Variants in GNA14 observed in about 807,000 individuals in gnomAD.
The protein encoded by GNA14 is guanine nucleotide-binding protein subunit alpha-14.
Under a neutral mutation model 42.0 loss-of-function variants are expected in GNA14, and 50 were observed. The ratio of observed to expected loss-of-function variants is 1.19; its 90% CI spans 0.95 to 1.51. The LOEUF (loss-of-function observed/expected upper bound fraction) is 1.51. Ranked by LOEUF, GNA14 falls within the 40% of genes most tolerant of loss-of-function variation. The pLI is 0.00. For synonymous variants in GNA14, 173 were observed against 163.1 expected (o/e 1.06, Z -0.46); for missense variants, 473 against 446.2 (o/e 1.06, Z -0.54).
chr9:77,440,908 G>A (rs1305513437), intron 2 of GNA14, among the ~76,000 whole-genome samples: 1 of 152,040 alleles, frequency 6.6e-6, no homozygotes, highest in East Asian at 1.9e-4. Context: ...TAGAGATGGG[G>A]TTTCACTATG....
chr9:77,452,824 CTT>C (rs1198208330), intron 2 of GNA14, among the ~76,000 whole-genome samples: 1 of 151,650 alleles, frequency 6.6e-6, no homozygotes, highest in Non-Finnish European at 1.5e-5. Flanking sequence ...TCATGAATGA[CTT>C]TGTGCCCTTT....
chr9:77,440,828 G>C (rs1251974989), intron 2 of GNA14, among the ~76,000 whole-genome samples: 2 of 151,996 alleles, frequency 1.3e-5, no homozygotes, highest in Admixed American at 1.3e-4. Flanking sequence ...CAATTCTCCT[G>C]CCTCGTCCCC....
At chr9:77,548,993 G>A (rs1208358270) in intron 1 of GNA14, among the ~76,000 whole-genome samples, 1 of 151,350 alleles carries the variant, frequency 6.6e-6, no homozygotes, top group East Asian at 1.9e-4. Flanking sequence ...AGGCTGGAGT[G>A]CAATGGCACA....
chr9:77,586,577 G>C (rs1439072364), intron 1 of GNA14, among the ~76,000 whole-genome samples: 1 of 152,206 alleles, frequency 6.6e-6, no homozygotes, highest in Non-Finnish European at 1.5e-5. Context: ...CTTAATAGGC[G>C]AAAGAAAGAG....
rs900457785 is a variant in GNA14 at position 77,490,579 on chromosome 9, T to C, written c.309+38490A>G. Among the ~76,000 whole-genome samples, 115 of 152,340 alleles carry C rather than the reference T, an allele frequency of 7.5e-4. 2 individuals are homozygous for C. Among genetic ancestry groups the C allele is most frequent in the Middle Eastern group, 3.4e-3 (1 of 294 alleles). On this transcript the variant is annotated intron_variant, in intron 2 of 6. Coordinates refer to ENST00000341700, the MANE Select transcript of GNA14 (RefSeq NM_004297.4). Reference sequence around the variant, plus strand: ...GAAATTGAACACAGCGCGGGTGGGCTGGCACTGCTGGGGGACCCAGTACAC... The same window carrying C: ...GAAATTGAACACAGCGCGGGTGGGCCGGCACTGCTGGGGGACCCAGTACAC...
At chr9:77,527,068 C>T (rs1168753807) in intron 2 of GNA14, among the ~76,000 whole-genome samples, 1 of 152,194 alleles carries the variant, frequency 6.6e-6, no homozygotes, top group Admixed American at 6.5e-5. Context: ...GGTCTGTTTA[C>T]AAACCCATCC....
chr9:77,540,796 C>T (rs56315361), intron 1 of GNA14, among the ~76,000 whole-genome samples: 55,270 of 151,834 alleles, frequency 0.36, 14,123 homozygotes, highest in African/African-American at 0.73. Context: ...TTGGTTTCTG[C>T]TTGCATGTAA....
Position 77,506,404 on chromosome 9 carries a change from C to T in GNA14, c.309+22665G>A, listed in dbSNP as rs573143583. 2.6e-5 allele frequency among the ~76,000 whole-genome samples: 4 copies of T among 151,984 alleles called. No homozygotes were observed. The South Asian group carries it at 6.2e-4, about 24-fold the overall frequency. On this transcript the variant is annotated intron_variant, in intron 2 of 6. Coordinates refer to ENST00000341700, the MANE Select transcript of GNA14 (RefSeq NM_004297.4). ...AAAAAATTATTCATGAGAGGCCGGGCGCAGTGGCTCATGCCTGTAATCCCA... is the reference window on the plus strand; with the variant it reads ...AAAAAATTATTCATGAGAGGCCGGGTGCAGTGGCTCATGCCTGTAATCCCA...
intron 1 of GNA14, among the ~76,000 whole-genome samples, chr9:77,552,256 C>G (rs1448551405): frequency 6.6e-6 from 1 of 150,576 alleles, no homozygotes; most frequent in Non-Finnish European, 1.5e-5. Context: ...TTTGGTTTTT[C>G]TTTTGGTGGG....
rs1165043222 is a variant in GNA14, at chr9:77,631,429, T to A, written c.124+16241A>T. The stretch of plus-strand genomic sequence containing the variant: ...TACAGAGAATCTGTATTCAGGAGAC[T>A]GCTAGCAGTCTCTGCCACAAATATG... On this transcript the variant is annotated intron_variant, in intron 1 of 6. Coordinates refer to ENST00000341700, the MANE Select transcript of GNA14 (RefSeq NM_004297.4). 2.7e-5 allele frequency among the ~76,000 whole-genome samples: 4 copies of A among 145,726 alleles called. No individual in the cohort carries two copies. The Admixed American group carries it at 2.8e-4, about 10-fold the overall frequency.
intron 1 of GNA14, among the ~76,000 whole-genome samples, chr9:77,608,179 C>T (rs112518191): frequency 6.6e-5 from 10 of 152,280 alleles, no homozygotes; most frequent in African/African-American, 2.2e-4. Flanking sequence ...AGCATCTAAT[C>T]GAATTTTCCT....
chr9:77,584,556 AG>A (rs1473530655), intron 1 of GNA14, among the ~76,000 whole-genome samples: 1 of 143,624 alleles, frequency 7.0e-6, no homozygotes, highest in Non-Finnish European at 1.5e-5. Flanking sequence ...AAGTGGTAGC[AG>A]GAAGAGCCAG....
Position 77,648,229 on chromosome 9 carries a change from A to C in GNA14, c.-436T>G. On this transcript the variant is annotated 5_prime_UTR_variant, in exon 1 of 7. Transcript: ENST00000341700. ...CTAGGGGTGTCCCCAGGCGGGAGGTAGGCGCGGAGTGGGTTGGAGGCAAAG... is the reference window on the plus strand; with the variant it reads ...CTAGGGGTGTCCCCAGGCGGGAGGTCGGCGCGGAGTGGGTTGGAGGCAAAG... 1 of 214,508 alleles carries C rather than the reference A, an allele frequency of 4.7e-6. No individual in the cohort carries two copies. The highest frequency in any genetic ancestry group is 9.2e-6 in the Non-Finnish European group (1 of 108,336). The allele number at this position is 214,508 out of a possible 1,614,324, so 13.3% of individuals were successfully genotyped here. A position where few individuals can be genotyped will look rare whatever the true frequency, so the allele number is the denominator to read the frequency against.
intron 1 of GNA14, among the ~76,000 whole-genome samples, chr9:77,530,416 G>A (rs1028781925): frequency 3.9e-5 from 6 of 152,158 alleles, no homozygotes; most frequent in African/African-American, 1.4e-4. Flanking sequence ...GCAGATGTCA[G>A]CATCATGCTT....
chr9:77,473,320 G>T (rs1190042105), intron 2 of GNA14, among the ~76,000 whole-genome samples: 1 of 152,120 alleles, frequency 6.6e-6, no homozygotes, highest in Non-Finnish European at 1.5e-5. Context: ...AGCTGGGTGT[G>T]GTGGTGTGCC....
chr9:77,594,627 G>A (rs964053290), intron 1 of GNA14, among the ~76,000 whole-genome samples: 5 of 152,262 alleles, frequency 3.3e-5, no homozygotes, highest in African/African-American at 7.2e-5. Context: ...GGGGCCCCAC[G>A]CTCAATTTGA....
At chr9:77,513,036 T>A (rs752231448) in intron 2 of GNA14, among the ~76,000 whole-genome samples, 2 of 152,246 alleles carry the variant, frequency 1.3e-5, no homozygotes, top group Non-Finnish European at 2.9e-5. Flanking sequence ...GATATTTCTC[T>A]AGTTTCTTTG....
chr9:77,514,597 TATA>T (rs1355560081), intron 2 of GNA14, among the ~76,000 whole-genome samples: 1 of 149,060 alleles, frequency 6.7e-6, no homozygotes, highest in East Asian at 2.0e-4. Context: ...GAAAGTCTTC[TATA>T]ATATCAGATT....
intron 2 of GNA14, among the ~76,000 whole-genome samples, chr9:77,464,377 G>GTGTGTGTGTGTATA (rs1836181627): frequency 6.6e-6 from 1 of 150,414 alleles, no homozygotes; most frequent in African/African-American, 2.5e-5. Context: ...GTGTGTGTGT[G>GTGTGTGTGTGTATA]TGTGTGTGTG....
Sources: gnomAD v4.1 joint callset for allele counts (sites outside exome capture counted in the v4.1 genomes callset) on GRCh38, gnomAD v4.1.1 for gene constraint, MANE v1.5 for transcripts, NCBI Gene and HGNC (gene_info 2026-07-23, HGNC 2026-07-21) for gene names.